The following C17orf107 variants were observed in gnomAD, a reference collection of about 807,000 sequenced individuals.
C17orf107 encodes the protein uncharacterized protein C17orf107.
A neutral mutation model predicts 8.9 loss-of-function variants in C17orf107; 9 were observed. That is an observed-to-expected ratio of 1.02 (90% CI 0.61 to 1.77). The LOEUF is 1.77. C17orf107 is among the 40% of genes most tolerant of loss of function. C17orf107 has a pLI of 0.00. For missense variants in C17orf107, 281 were observed against 249.0 expected, an observed-to-expected ratio of 1.13 and a Z score of -0.86; for synonymous variants, 139 against 120.3, an observed-to-expected ratio of 1.16 and a Z score of -1.02.
Position 4,902,360 on chromosome 17 carries a change from G to A in C17orf107, c.*1827G>A, listed in dbSNP as rs1372626631. 1 of 1,612,630 alleles carries A rather than the reference G, an allele frequency of 6.2e-7. No homozygotes were observed. Among genetic ancestry groups the A allele is most frequent in the Admixed American group, 1.7e-5 (1 of 60,034 alleles). On this transcript the variant is annotated 3_prime_UTR_variant, in exon 3 of 3. Coordinates refer to ENST00000381365, the MANE Select transcript of C17orf107 (RefSeq NM_001145536.2). This position sits in a 1 kb window ranked among gnomAD's most constrained non-coding sequence, Gnocchi z 4.0. ...TGGGGGATGGAAGGCCGCGTGCCCT[G>A]CATCTCCCACCTGGCGCTGCCTGGG... is the stretch of plus-strand genomic sequence containing the variant.
chr17:4,899,808 C>A lies in C17orf107; in HGVS notation c.46C>A (p.His16Asn). 4 of 1,551,206 alleles carry A rather than the reference C, an allele frequency of 2.6e-6. No individual in the cohort carries two copies. The highest frequency in any genetic ancestry group is 2.4e-5 in the East Asian group (1 of 40,908). The change falls in exon 1 of 3, where the codon CAC becomes AAC. Residue 16 changes from histidine to asparagine, a missense_variant. By Grantham distance (68) the His-to-Asn change is moderately conservative. Transcript: ENST00000381365. ...CCTGGACACCCTGATGTGGATCTAC[C>A]ACTTCCACAGCTCCACCGAGGTGAG... ...SSLDTLMWIYHFHSSTEVALQ... is the reference protein window; with the variant it reads ...SSLDTLMWIYNFHSSTEVALQ...
rs933082734 is a variant in C17orf107 at position 4,900,866 on chromosome 17, C to A, written c.*333C>A. On this transcript the variant is annotated 3_prime_UTR_variant, in exon 3 of 3. Transcript: ENST00000381365. ...ATGAGGAACAAGAAGACGGTCTGGG[C>A]GAGCAGGACGTTGATGGAGACCGTG... 6.2e-7 allele frequency: 1 copy of A among 1,614,048 alleles called. No individual in the cohort carries two copies. Among genetic ancestry groups the A allele is most frequent in the Non-Finnish European group, 8.5e-7 (1 of 1,180,014 alleles).
In C17orf107 at chr17:4,901,491, G is replaced by A; in HGVS notation, c.*958G>A. ...AAGTCCCCTCTCTGGACCCCGTCTA[G>A]AAGCGGGTTTTTCTGAGCAGGCAGG... On this transcript the variant is annotated 3_prime_UTR_variant, in exon 3 of 3. Coordinates refer to ENST00000381365, the MANE Select transcript of C17orf107 (RefSeq NM_001145536.2). 6.3e-7 allele frequency: 1 copy of A among 1,597,584 alleles called. No homozygotes were observed. Among genetic ancestry groups the A allele is most frequent in the South Asian group, 1.1e-5 (1 of 90,770 alleles).
At position 4,899,777 on chromosome 17, in the gene C17orf107, C is replaced by T; in HGVS notation, c.15C>T (p.Pro5=). The T allele has an allele frequency of 1.3e-6, 2 of 1,551,342 alleles. No individual in the cohort carries two copies. Among genetic ancestry groups the T allele is most frequent in the Non-Finnish European group, 1.7e-6 (2 of 1,146,966 alleles). The change falls in exon 1 of 3, where the codon CCC becomes CCT. Residue 5 remains proline, a synonymous_variant. Coordinates refer to ENST00000381365, the MANE Select transcript of C17orf107 (RefSeq NM_001145536.2). ...TTGTGGCGGCCATGAAGGGGACCCC[C>T]AGCTCCCTGGACACCCTGATGTGGA... is the stretch of plus-strand genomic sequence containing the variant. The part of the protein sequence containing the change: MKGT[P]SSLDTLMWIY...
rs1969889458 is a variant in C17orf107 at position 4,899,641 on chromosome 17, C to T, written c.-122C>T. The stretch of plus-strand genomic sequence containing the variant: ...CTCCTCCCAGCTACCGAAGGCGCCG[C>T]GCGCTGACCTCACAAACACGGCTTC... On this transcript the variant is annotated 5_prime_UTR_variant, in exon 1 of 3. Transcript: ENST00000381365. The T allele has an allele frequency of 1.4e-6, 2 of 1,465,790 alleles. No homozygotes were observed. Among genetic ancestry groups the T allele is most frequent in the Non-Finnish European group, 1.9e-6 (2 of 1,069,166 alleles). The allele number at this position is 1,465,790 out of a possible 1,614,324, so 90.8% of individuals were successfully genotyped here.
chr17:4,902,129 C>G lies in C17orf107; in HGVS notation c.*1596C>G. The G allele has an allele frequency of 6.2e-7, 1 of 1,613,974 alleles. No individual in the cohort carries two copies. The highest frequency in any genetic ancestry group is 8.5e-7 in the Non-Finnish European group (1 of 1,179,952). ...ACCGAGCTTTTTGCACAGGTCTGCACCCTCTCAGAGTACCCCCTTCCCCAA... is the reference window on the plus strand; with the variant it reads ...ACCGAGCTTTTTGCACAGGTCTGCAGCCTCTCAGAGTACCCCCTTCCCCAA... On this transcript the variant is annotated 3_prime_UTR_variant, in exon 3 of 3. Transcript: ENST00000381365. This position sits in a 1 kb window ranked among gnomAD's most constrained non-coding sequence, Gnocchi z 4.0.
downstream of C17orf107, among the ~76,000 whole-genome samples, chr17:4,903,868 ATTT>A (rs916204252): frequency 1.3e-3 from 199 of 151,962 alleles, no homozygotes; most frequent in African/African-American, 3.8e-3. Context: ...TTTAAAAAAA[ATTT>A]TTTTGAGACC....
Position 4,902,369 on chromosome 17 carries a change from A to T in C17orf107, c.*1836A>T, listed in dbSNP as rs1329886992. Reference sequence around the variant, plus strand: ...GAAGGCCGCGTGCCCTGCATCTCCCACCTGGCGCTGCCTGGGAGGGGTTTG... The same window carrying T: ...GAAGGCCGCGTGCCCTGCATCTCCCTCCTGGCGCTGCCTGGGAGGGGTTTG... On this transcript the variant is annotated 3_prime_UTR_variant, in exon 3 of 3. Transcript: ENST00000381365. This position sits in a 1 kb window ranked among gnomAD's most constrained non-coding sequence, Gnocchi z 4.0. The T allele has an allele frequency of 6.2e-7, 1 of 1,613,000 alleles. No homozygotes were observed. Among genetic ancestry groups the T allele is most frequent in the Non-Finnish European group, 8.5e-7 (1 of 1,179,158 alleles).
chr17:4,905,410 A>T (rs1000680432), downstream of C17orf107, among the ~76,000 whole-genome samples: 7 of 152,036 alleles, frequency 4.6e-5, no homozygotes, highest in Non-Finnish European at 1.0e-4. Flanking sequence ...ACAACAACAA[A>T]AAATATTAGC....
chr17:4,901,171 G>A lies in C17orf107; in HGVS notation c.*638G>A, dbSNP rs2151097478. Reference sequence around the variant, plus strand: ...GGCGGATCACCCCCGGGCAGAAGTCGATGGCCCACTCGCCGTTCTCTGCGG... The same window carrying A: ...GGCGGATCACCCCCGGGCAGAAGTCAATGGCCCACTCGCCGTTCTCTGCGG... On this transcript the variant is annotated 3_prime_UTR_variant, in exon 3 of 3. Transcript: ENST00000381365. 6.8e-6 allele frequency: 11 copies of A among 1,607,062 alleles called. No homozygotes were observed. Among genetic ancestry groups the A allele is most frequent in the East Asian group, 2.2e-5 (1 of 44,842 alleles).
chr17:4,900,213 C>CTA, intron 2 of C17orf107, 24 bp from the exon 3 acceptor site: 1 of 1,544,898 alleles, frequency 6.5e-7, no homozygotes, highest in Non-Finnish European at 8.7e-7. Flanking sequence ...TGCCTCCCCG[C>CTA]TAACCCCTGT....
At position 4,901,154 on chromosome 17, in the gene C17orf107, A is replaced by AC; in HGVS notation, c.*626dup. On this transcript the variant is annotated 3_prime_UTR_variant, in exon 3 of 3. Coordinates refer to ENST00000381365, the MANE Select transcript of C17orf107 (RefSeq NM_001145536.2). ...GGCGCCACCGTGGTGGCGGCGGATC[A>AC]CCCCCGGGCAGAAGTCGATGGCCCA... 1 of 1,608,592 alleles carries AC rather than the reference A, an allele frequency of 6.2e-7. No individual in the cohort carries two copies.
Position 4,901,202 on chromosome 17 carries a change from G to C in C17orf107, c.*669G>C, listed in dbSNP as rs767412498. ...CCACTCGCCGTTCTCTGCGGGACGG[G>C]GGCACGGTCAGCTGGCTGTCAGAGC... On this transcript the variant is annotated 3_prime_UTR_variant, in exon 3 of 3. Coordinates refer to ENST00000381365, the MANE Select transcript of C17orf107 (RefSeq NM_001145536.2). 6.3e-7 allele frequency: 1 copy of C among 1,599,278 alleles called. No individual in the cohort carries two copies. Among genetic ancestry groups the C allele is most frequent in the South Asian group, 1.1e-5 (1 of 90,988 alleles).
Position 4,901,722 on chromosome 17 carries a change from C to A in C17orf107, c.*1189C>A. ...AGCTGGGATCTAGCGGGGCCGCGAT[C>A]CCAAGCCCACCCCTTCACCCAAGCC... On this transcript the variant is annotated 3_prime_UTR_variant, in exon 3 of 3. Transcript: ENST00000381365. 1 of 1,318,870 alleles carries A rather than the reference C, an allele frequency of 7.6e-7. No individual in the cohort carries two copies. Among genetic ancestry groups the A allele is most frequent in the South Asian group, 1.2e-5 (1 of 83,582 alleles). The allele number at this position is 1,318,870 out of a possible 1,614,324, so 81.7% of individuals were successfully genotyped here.
Position 4,900,086 on chromosome 17 carries a change from G to C in C17orf107, c.217G>C (p.Gly73Arg). 6.4e-7 allele frequency: 1 copy of C among 1,550,952 alleles called. No homozygotes were observed. The highest frequency in any genetic ancestry group is 2.4e-5 in the East Asian group (1 of 40,930). ...GCTGCCTGCCCCGAAGCCCACCCTGGGGCTGGTGTTGAGAGAAGCCACAGC... is the reference window on the plus strand; with the variant it reads ...GCTGCCTGCCCCGAAGCCCACCCTGCGGCTGGTGTTGAGAGAAGCCACAGC... ...GMLPAPKPTL[G>R]LVLREATASL... Residue 73 changes from glycine to arginine, a missense_variant, in exon 2 of 3, where the codon GGG becomes CGG. Transcript: ENST00000381365.
At position 4,900,551 on chromosome 17, in the gene C17orf107, G is replaced by T; in HGVS notation, c.*18G>T. On this transcript the variant is annotated 3_prime_UTR_variant, in exon 3 of 3. Coordinates refer to ENST00000381365, the MANE Select transcript of C17orf107 (RefSeq NM_001145536.2). ...TGAGTTAGGGGCCAGAGGCGGCGGG[G>T]CTAGGGAGGCACTGAGCCGGACTGT... The T allele has an allele frequency of 6.4e-7, 1 of 1,550,436 alleles. No homozygotes were observed. The highest frequency in any genetic ancestry group is 8.7e-7 in the Non-Finnish European group (1 of 1,146,932).
chr17:4,903,402 T>C (rs902156138), downstream of C17orf107, among the ~76,000 whole-genome samples: 5 of 152,138 alleles, frequency 3.3e-5, no homozygotes, highest in African/African-American at 1.2e-4. Context: ...CAGGCACTGT[T>C]GTCCTTTGAG....
rs770980262 is a variant in C17orf107, at chr17:4,900,820, G to A, written c.*287G>A. ...GCCCAGGAGCGGCACGCTCAGAGAA[G>A]TCTCTGGGATTTTCTGGGCAATGAG... On this transcript the variant is annotated 3_prime_UTR_variant, in exon 3 of 3. Coordinates refer to ENST00000381365, the MANE Select transcript of C17orf107 (RefSeq NM_001145536.2). The A allele has an allele frequency of 6.2e-7, 1 of 1,614,142 alleles. No individual in the cohort carries two copies. The highest frequency in any genetic ancestry group is 8.5e-7 in the Non-Finnish European group (1 of 1,179,976).
chr17:4,906,163 G>A (rs1597625608), downstream of C17orf107, among the ~76,000 whole-genome samples: 1 of 152,280 alleles, frequency 6.6e-6, no homozygotes, highest in East Asian at 1.9e-4. Context: ...TGTTCCCGTT[G>A]CTACTGCCTG....
Sources: allele counts gnomAD v4.1 joint callset (sites outside exome capture counted in the v4.1 genomes callset), GRCh38; gene constraint gnomAD v4.1.1; non-coding constraint Gnocchi (gnomAD v3.1); transcripts MANE v1.5; gene names NCBI Gene and HGNC (gene_info 2026-07-23, HGNC 2026-07-21).